The following RBMS3 variants were observed in gnomAD, a reference collection of about 807,000 sequenced individuals.
RBMS3 encodes RNA binding motif single stranded interacting protein 3, also known as RNA-binding motif, single-stranded-interacting protein 3.
Under a neutral mutation model 66.8 loss-of-function variants are expected in RBMS3, and 27 were observed. That is an observed-to-expected ratio of 0.40 (90% confidence interval 0.30 to 0.56). The LOEUF is 0.56. RBMS3 is among the 20% of genes least tolerant of loss of function. The pLI is 0.40. For synonymous variants in RBMS3, 188 were observed against 183.0 expected (o/e 1.03, Z -0.22); for missense variants, 513 against 549.5 (o/e 0.93, Z 0.66).
intron 3 of RBMS3, among the ~76,000 whole-genome samples, chr3:29,577,411 G>T (rs531781065): frequency 3.9e-5 from 6 of 152,282 alleles, no homozygotes; most frequent in African/African-American, 1.4e-4. Flanking sequence ...GCCCCGGCTG[G>T]TGTCTCCCTA....
At chr3:29,676,431 A>T (rs2051254543) in intron 4 of RBMS3, among the ~76,000 whole-genome samples, 1 of 152,234 alleles carries the variant, frequency 6.6e-6, no homozygotes, top group Admixed American at 6.5e-5. Flanking sequence ...TAATAAATAA[A>T]TTTTTAAAAA....
intron 6 of RBMS3, among the ~76,000 whole-genome samples, chr3:29,788,182 A>G (rs947619603): frequency 2.7e-5 from 4 of 149,366 alleles, no homozygotes; most frequent in African/African-American, 9.8e-5. Context: ...TTTTTCACTT[A>G]GCAATGTACT....
At chr3:29,931,685 A>G (rs1425392732) in intron 10 of RBMS3, among the ~76,000 whole-genome samples, 1 of 152,158 alleles carries the variant, frequency 6.6e-6, no homozygotes, top group African/African-American at 2.4e-5. Context: ...GAAAGAAATT[A>G]GACATCCCTA....
chr3:29,425,773 T>C (rs2040934989), intron 1 of RBMS3, among the ~76,000 whole-genome samples: 1 of 152,244 alleles, frequency 6.6e-6, no homozygotes, highest in Non-Finnish European at 1.5e-5. Flanking sequence ...AAGACCTCTT[T>C]ATCTCTGATT....
At chr3:29,984,282 T>A (rs1698213734) in intron 12 of RBMS3, among the ~76,000 whole-genome samples, 1 of 152,082 alleles carries the variant, frequency 6.6e-6, no homozygotes, top group South Asian at 2.1e-4. Context: ...TGTTCTTTTT[T>A]AAACGGGTTA....
At chr3:29,917,724 T>A (rs530119541) in intron 10 of RBMS3, among the ~76,000 whole-genome samples, 1 of 152,234 alleles carries the variant, frequency 6.6e-6, no homozygotes, top group African/African-American at 2.4e-5. Flanking sequence ...AAACCTCTCC[T>A]GAAAAATTTG....
chr3:29,739,632 A>C (rs2054545073), intron 4 of RBMS3, 88 bp from the exon 5 acceptor site: 3 of 1,222,186 alleles, frequency 2.5e-6, no homozygotes, highest in Non-Finnish European at 3.3e-6. Flanking sequence ...ATTATTATCT[A>C]GATTGCAGTT....
intron 6 of RBMS3, among the ~76,000 whole-genome samples, chr3:29,825,838 G>A (rs2058198030): frequency 6.6e-6 from 1 of 152,108 alleles, no homozygotes; most frequent in Non-Finnish European, 1.5e-5. Context: ...CTAAGATTAG[G>A]CACTAATGTT....
At chr3:29,627,419 T>C (rs895836341) in intron 4 of RBMS3, among the ~76,000 whole-genome samples, 2 of 152,126 alleles carry the variant, frequency 1.3e-5, no homozygotes, top group African/African-American at 4.8e-5. Flanking sequence ...CATTGTAGGA[T>C]ATTTAGCATA....
intron 4 of RBMS3, among the ~76,000 whole-genome samples, chr3:29,627,037 C>A (rs892542785): frequency 3.9e-5 from 6 of 152,072 alleles, no homozygotes; most frequent in African/African-American, 1.4e-4. Flanking sequence ...GTCTTAGTTT[C>A]CTTATCTGAA....
chr3:29,890,057 C>T (rs1019577251), intron 8 of RBMS3, among the ~76,000 whole-genome samples: 14 of 151,664 alleles, frequency 9.2e-5, no homozygotes, highest in African/African-American at 3.4e-4. Context: ...AGAAATTTTA[C>T]ATTCAGAAAT....
chr3:29,349,304 T>C (rs1337083058), intron 1 of RBMS3, among the ~76,000 whole-genome samples: 1 of 152,212 alleles, frequency 6.6e-6, no homozygotes, highest in East Asian at 1.9e-4. Context: ...TATTCCTCTG[T>C]AACCCACATC....
At chr3:29,857,324 G>A (rs2059103526) in intron 6 of RBMS3, among the ~76,000 whole-genome samples, 1 of 152,028 alleles carries the variant, frequency 6.6e-6, no homozygotes, top group Non-Finnish European at 1.5e-5. Flanking sequence ...TGCTCTACTA[G>A]AAAGGATCCT....
chr3:29,554,878 A>T (rs1389812799), intron 3 of RBMS3, among the ~76,000 whole-genome samples: 4 of 152,182 alleles, frequency 2.6e-5, no homozygotes, highest in Non-Finnish European at 5.9e-5. Flanking sequence ...CTCTGTAAGC[A>T]AAAATATAAT....
chr3:29,358,950 A>C, intron 1 of RBMS3, among the ~76,000 whole-genome samples: 2 of 152,190 alleles, frequency 1.3e-5, no homozygotes. Context: ...TTTTGGGCTG[A>C]GATGATGGGG....
chr3:29,819,432 A>C (rs901157486), intron 6 of RBMS3, among the ~76,000 whole-genome samples: 8 of 152,352 alleles, frequency 5.3e-5, no homozygotes, highest in South Asian at 2.1e-4. Flanking sequence ...TTGGACCACA[A>C]GCCATAGTTT....
chr3:29,980,977 G>A (rs1195762535), intron 12 of RBMS3, among the ~76,000 whole-genome samples: 1 of 152,118 alleles, frequency 6.6e-6, no homozygotes. Flanking sequence ...GAAAGTCAGT[G>A]GTAGCTTAAT....
At position 29,516,794 on chromosome 3, in the gene RBMS3, T is replaced by C. The variant is rs144562757; in HGVS notation, c.307+28295T>C. Among the ~76,000 whole-genome samples the C allele has an allele frequency of 7.4e-4, 113 of 152,300 alleles. 2 individuals are homozygous for C. The highest frequency in any genetic ancestry group is 2.6e-3 in the African/African-American group (110 of 41,558). On this transcript the variant is annotated intron_variant, in intron 3 of 14. Transcript: ENST00000383767. ...AATATCACAAAAATTAGGAGTAATATTTTTAAAATGAAATGCTCAACAGTA... is the reference window on the plus strand; with the variant it reads ...AATATCACAAAAATTAGGAGTAATACTTTTAAAATGAAATGCTCAACAGTA...
intron 4 of RBMS3, among the ~76,000 whole-genome samples, chr3:29,693,996 GCTTCACAGTGGTTT>G (rs751485082): frequency 2.2e-4 from 33 of 152,286 alleles, no homozygotes; most frequent in Non-Finnish European, 3.5e-4. Context: ...GAATCAAGTT[GCTTCACAGTGGTTT>G]CTTCAAAATA....
Sources: gnomAD v4.1 joint callset for allele counts (sites outside exome capture counted in the v4.1 genomes callset) on GRCh38, gnomAD v4.1.1 for gene constraint, MANE v1.5 for transcripts, NCBI Gene and HGNC (gene_info 2026-07-23, HGNC 2026-07-21) for gene names.